GPBP1L1: variants seen among roughly 807,000 people sequenced by gnomAD.
GPBP1L1 encodes vasculin-like protein 1.
In GPBP1L1, 23 loss-of-function variants were observed where a neutral mutation model predicts 52.5. The ratio of observed to expected loss-of-function variants is 0.44; its 90% CI spans 0.32 to 0.62. The LOEUF (loss-of-function observed/expected upper bound fraction) is 0.62. GPBP1L1 is among the 20% of genes least tolerant of loss of function. The probability of loss-of-function intolerance (pLI) is 0.06; values close to 1 mark genes in which losing one functional copy is unlikely to be tolerated. For synonymous variants in GPBP1L1, 243 were observed against 203.1 expected, an observed-to-expected ratio of 1.20 and a Z score of -1.67; for missense variants, 596 against 579.3, an observed-to-expected ratio of 1.03 and a Z score of -0.30.
In GPBP1L1 at chr1:45,628,413, G is replaced by C; in HGVS notation, c.1273-5C>G. The stretch of plus-strand genomic sequence containing the variant: ...TCCAAAGCCATTTCTTCTCAGCTAT[G>C]GTTAGCATGGGAGAGAAAGAAAAAA... On this transcript the variant is annotated splice_polypyrimidine_tract_variant and splice_region_variant and intron_variant, in intron 12 of 12. Transcript: ENST00000355105. 1 of 1,613,228 alleles carries C rather than the reference G, an allele frequency of 6.2e-7. No individual in the cohort carries two copies. Among genetic ancestry groups the C allele is most frequent in the Non-Finnish European group, 8.5e-7 (1 of 1,179,826 alleles).
intron 2 of GPBP1L1, among the ~76,000 whole-genome samples, chr1:45,674,383 TAAC>T (rs996646636): frequency 1.3e-5 from 2 of 152,334 alleles, no homozygotes; most frequent in African/African-American, 4.8e-5. Context: ...AAAAAAAAGT[TAAC>T]AATCTTACAT....
chr1:45,654,974 T>C, intron 5 of GPBP1L1, 145 bp from the exon 6 acceptor site: 1 of 1,022,234 alleles, frequency 9.8e-7, no homozygotes. Context: ...GTGAGGTAAT[T>C]TCTGAAATCA....
At chr1:45,677,150 A>G (rs1299590598) in intron 2 of GPBP1L1, among the ~76,000 whole-genome samples, 8 of 151,990 alleles carry the variant, frequency 5.3e-5, no homozygotes, top group Admixed American at 5.2e-4. Context: ...AGCTTGGCCA[A>G]TGTGGTGAAA....
intron 2 of GPBP1L1, among the ~76,000 whole-genome samples, chr1:45,682,224 T>G (rs538294271): frequency 5.9e-5 from 9 of 152,338 alleles, no homozygotes; most frequent in African/African-American, 2.2e-4. Flanking sequence ...ACTTATAAAC[T>G]TTAAAGATAG....
chr1:45,678,955 G>A (rs1350933149), intron 2 of GPBP1L1, among the ~76,000 whole-genome samples: 1 of 152,144 alleles, frequency 6.6e-6, no homozygotes, highest in East Asian at 1.9e-4. Flanking sequence ...AAAAATGCAC[G>A]GAGTTGTGAA....
At chr1:45,639,027 A>G (rs1644633137) in intron 8 of GPBP1L1, among the ~76,000 whole-genome samples, 1 of 151,880 alleles carries the variant, frequency 6.6e-6, no homozygotes, top group African/African-American at 2.4e-5. Context: ...GCTCATACTT[A>G]TTTTTACATT....
intron 2 of GPBP1L1, among the ~76,000 whole-genome samples, chr1:45,666,144 T>A (rs1401117456): frequency 1.3e-5 from 2 of 151,150 alleles, no homozygotes; most frequent in Non-Finnish European, 3.0e-5. Context: ...TTTTTTTTTT[T>A]AGACGGAGTC....
At chr1:45,657,484 C>A (rs1016245640) in intron 4 of GPBP1L1, among the ~76,000 whole-genome samples, 1 of 152,106 alleles carries the variant, frequency 6.6e-6, no homozygotes, top group African/African-American at 2.4e-5. Context: ...TGCAGTAAGC[C>A]ATGATCGCAC....
chr1:45,654,834 A>G lies in GPBP1L1; in HGVS notation c.191-5T>C, dbSNP rs1224389937. On this transcript the variant is annotated splice_polypyrimidine_tract_variant and splice_region_variant and intron_variant, in intron 5 of 12. Coordinates refer to ENST00000355105, the MANE Select transcript of GPBP1L1 (RefSeq NM_021639.5). ...GGGAGGGCTGGTGCCAAGAATCTAG[A>G]ATAGTAAAGAAAAGGACTAATTAGA... 1 of 1,612,476 alleles carries G rather than the reference A, an allele frequency of 6.2e-7. No homozygotes were observed. The highest frequency in any genetic ancestry group is 2.2e-5 in the East Asian group (1 of 44,844).
chr1:45,648,425 T>C (rs538254414), intron 6 of GPBP1L1, among the ~76,000 whole-genome samples: 10 of 152,346 alleles, frequency 6.6e-5, no homozygotes, highest in Admixed American at 2.0e-4. Context: ...TGTATTTACT[T>C]GTTATTCCAT....
At position 45,672,490 on chromosome 1, in the gene GPBP1L1, T is replaced by C. The variant is rs183677609; in HGVS notation, c.-1097-11265A>G. ...AACTCTCATTAATTCTAATAATTTG[T>C]CTATAGATTCCACAAATAATGAGAG... is the stretch of plus-strand genomic sequence containing the variant. On this transcript the variant is annotated intron_variant, in intron 2 of 12. Coordinates refer to ENST00000355105, the MANE Select transcript of GPBP1L1 (RefSeq NM_021639.5). 2.0e-5 allele frequency among the ~76,000 whole-genome samples: 3 copies of C among 152,250 alleles called. No homozygotes were observed. The East Asian group carries it at 5.8e-4, about 29-fold the overall frequency.
chr1:45,675,047 T>C (rs1055000333), intron 2 of GPBP1L1, among the ~76,000 whole-genome samples: 1 of 152,108 alleles, frequency 6.6e-6, no homozygotes, highest in Non-Finnish European at 1.5e-5. Context: ...ACTTAAACTC[T>C]TGCTTCATTG....
chr1:45,643,924 C>T (rs1480290781), intron 6 of GPBP1L1, among the ~76,000 whole-genome samples: 1 of 152,006 alleles, frequency 6.6e-6, no homozygotes, highest in African/African-American at 2.4e-5. Flanking sequence ...ACCTTGGCCT[C>T]CCAAAGTGCT....
rs1644472368 is a variant in GPBP1L1, at chr1:45,627,690, C to T, written c.*566G>A. ...AGAATAACACAACATTTCCTATATC[C>T]AAATATTTTACAGCTGTACCCAAAA... On this transcript the variant is annotated 3_prime_UTR_variant, in exon 13 of 13. Coordinates refer to ENST00000355105, the MANE Select transcript of GPBP1L1 (RefSeq NM_021639.5). 1 of 148,134 alleles carries T rather than the reference C, an allele frequency of 6.8e-6. No individual in the cohort carries two copies. Among genetic ancestry groups the T allele is most frequent in the South Asian group, 2.1e-4 (1 of 4,702 alleles). The allele number at this position is 148,134 out of a possible 1,614,324, so 9.2% of individuals were successfully genotyped here.
chr1:45,687,837 A>G (rs774807207), upstream of GPBP1L1: 6 of 152,232 alleles, frequency 3.9e-5, no homozygotes, highest in Non-Finnish European at 7.3e-5. Context: ...GTGTCCCCAT[A>G]GGCCTTATAA....
At chr1:45,659,002 G>A (rs747611548) in intron 4 of GPBP1L1, 26 bp downstream of exon 4, 79 of 1,473,382 alleles carry the variant, frequency 5.4e-5, no homozygotes, top group East Asian at 1.1e-4. Context: ...TATTTGAGAA[G>A]TTACTACAGG....
At chr1:45,686,539 C>G (rs1344462921), upstream of GPBP1L1, 1 of 152,496 alleles carries the variant, frequency 6.6e-6, no homozygotes, top group Non-Finnish European at 1.5e-5. Flanking sequence ...GCTGCCCGGC[C>G]CACAAGGTCC....
intron 2 of GPBP1L1, among the ~76,000 whole-genome samples, chr1:45,684,574 G>C (rs1436776018): frequency 6.6e-6 from 1 of 151,860 alleles, no homozygotes; most frequent in Non-Finnish European, 1.5e-5. Flanking sequence ...TCAAAATAAA[G>C]GTTTCCCCAA....
At chr1:45,658,367 T>G (rs1378382264) in intron 4 of GPBP1L1, among the ~76,000 whole-genome samples, 1 of 152,074 alleles carries the variant, frequency 6.6e-6, no homozygotes, top group African/African-American at 2.4e-5. Context: ...ACCTCCACAA[T>G]AGGTTAGCAA....
Sources: gnomAD v4.1 joint callset for allele counts (sites outside exome capture counted in the v4.1 genomes callset) on GRCh38, gnomAD v4.1.1 for gene constraint, MANE v1.5 for transcripts, NCBI Gene and HGNC (gene_info 2026-07-23, HGNC 2026-07-21) for gene names.